Variants in GEN1 observed in about 807,000 individuals in gnomAD.
GEN1 encodes the protein flap endonuclease GEN homolog 1.
GEN1 carries 64 observed loss-of-function variants against 67.6 expected under a neutral mutation model. The ratio of observed to expected loss-of-function variants is 0.95; its 90% CI spans 0.77 to 1.17. The LOEUF (loss-of-function observed/expected upper bound fraction) is 1.17. Ranked by LOEUF, GEN1 falls within the 50% of genes most tolerant of loss-of-function variation. The pLI is 0.00. For missense variants in GEN1, 1,058 were observed against 1,048.3 expected (o/e 1.01, Z -0.13); for synonymous variants, 371 against 359.4 (o/e 1.03, Z -0.37).
chr2:17,782,125 C>G lies in GEN1; in HGVS notation c.*186C>G. ...TAAAACTCTGGTTTTAAAAGATCCTCTGTATTGAAAACTTCTGATAATGTA... is the reference window on the plus strand; with the variant it reads ...TAAAACTCTGGTTTTAAAAGATCCTGTGTATTGAAAACTTCTGATAATGTA... On this transcript the variant is annotated 3_prime_UTR_variant, in exon 14 of 14. Coordinates refer to ENST00000381254, the MANE Select transcript of GEN1 (RefSeq NM_001130009.3). The G allele has an allele frequency of 2.1e-6, 1 of 469,156 alleles. No homozygotes were observed. Among genetic ancestry groups the G allele is most frequent in the East Asian group, 3.4e-5 (1 of 29,608 alleles). 29.1% of individuals were successfully genotyped at this position (469,156 alleles called of 1,614,324 possible).
chr2:17,774,302 A>C lies in GEN1; in HGVS notation c.1103A>C (p.Asn368Thr). 3.2e-6 allele frequency: 5 copies of C among 1,586,822 alleles called. No individual in the cohort carries two copies. The highest frequency in any genetic ancestry group is 4.3e-6 in the Non-Finnish European group (5 of 1,160,378). ...RFTLEKMEWPNHYACEKLLVL... is the reference protein window; with the variant it reads ...RFTLEKMEWPTHYACEKLLVL... Reference sequence around the variant, plus strand: ...ACTCTTGAAAAAATGGAGTGGCCCAATCACTATGCATGTGAGAAATTGCTG... The same window carrying C: ...ACTCTTGAAAAAATGGAGTGGCCCACTCACTATGCATGTGAGAAATTGCTG... The change falls in exon 11 of 14, where the codon AAT (asparagine) becomes ACT (threonine). Residue 368 changes from asparagine to threonine, a missense_variant. Asn to Thr is a moderately conservative substitution (Grantham distance 65, BLOSUM62 0). Transcript: ENST00000381254.
intron 12 of GEN1, among the ~76,000 whole-genome samples, chr2:17,779,283 A>G (rs185477811): frequency 6.0e-4 from 91 of 152,330 alleles, no homozygotes; most frequent in Non-Finnish European, 6.2e-4. Flanking sequence ...AGCTATCACT[A>G]AAGAAAGCTG....
At position 17,765,221 on chromosome 2, in the gene GEN1, C is replaced by A; in HGVS notation, c.525+148C>A. ...TAAAATGCTTACTGTTATTAAAAAT[C>A]ATTGCCACATAGTTCATTCTCTTCA... On this transcript the variant is annotated intron_variant, in intron 4 of 13. Transcript: ENST00000381254. The A allele has an allele frequency of 7.6e-6, 5 of 660,116 alleles. No homozygotes were observed. In the South Asian group the frequency reaches 1.0e-4, roughly 14 times the overall value. The allele number at this position is 660,116 out of a possible 1,614,324, so 40.9% of individuals were successfully genotyped here. A position where few individuals can be genotyped will look rare whatever the true frequency, so the allele number is the denominator to read the frequency against.
chr2:17,772,562 G>A (rs1039267244), intron 7 of GEN1, 72 bp from the exon 8 acceptor site: 1 of 1,400,376 alleles, frequency 7.1e-7, no homozygotes, highest in Admixed American at 2.2e-5. Context: ...TTAGATACTG[G>A]CAAAAAGAAT....
intron 1 of GEN1, chr2:17,755,116 A>C (rs1671353829): frequency 6.6e-6 from 1 of 152,236 alleles, no homozygotes; most frequent in African/African-American, 2.4e-5. Context: ...AAGTAATCAC[A>C]TATATATTAT....
At chr2:17,776,888 A>G (rs1672458586) in intron 11 of GEN1, among the ~76,000 whole-genome samples, 1 of 152,172 alleles carries the variant, frequency 6.6e-6, no homozygotes, top group African/African-American at 2.4e-5. Context: ...ACTTTGGGAG[A>G]CCAAAGCAGG....
Position 17,784,601 on chromosome 2 carries a change from G to A in GEN1, c.*2662G>A, listed in dbSNP as rs534138082. Reference sequence around the variant, plus strand: ...GAAGGGGAGAAACTAATGTGTATTAGCTATTGTGTGCTAAGCATTCAACTA... The same window carrying A: ...GAAGGGGAGAAACTAATGTGTATTAACTATTGTGTGCTAAGCATTCAACTA... On this transcript the variant is annotated 3_prime_UTR_variant, in exon 14 of 14. Transcript: ENST00000381254. The A allele has an allele frequency of 4.6e-5, 7 of 152,306 alleles. No homozygotes were observed. The highest frequency in any genetic ancestry group is 1.7e-4 in the African/African-American group (7 of 41,576). The allele number at this position is 152,306 out of a possible 1,614,324, so 9.4% of individuals were successfully genotyped here.
rs201629161 is a variant in GEN1 at position 17,765,101 on chromosome 2, A to G, written c.525+28A>G. The stretch of plus-strand genomic sequence containing the variant: ...GTTTATTTTCTTTCTCTTTTTCAGC[A>G]TTTGTTTACGAACTACCTTTTTTAA... On this transcript the variant is annotated intron_variant, in intron 4 of 13. Transcript: ENST00000381254. 4.0e-4 allele frequency: 641 copies of G among 1,606,030 alleles called. 4 individuals are homozygous for G. The highest frequency in any genetic ancestry group is 3.3e-3 in the South Asian group (297 of 90,496).
Position 17,761,436 on chromosome 2 carries a change from G to A in GEN1, c.202G>A (p.Val68Ile). 6.2e-7 allele frequency: 1 copy of A among 1,609,350 alleles called. No individual in the cohort carries two copies. The highest frequency in any genetic ancestry group is 2.2e-5 in the East Asian group (1 of 44,828). ...FRISYLTQMD[V>I]KLVFVMEGEP... ...TATCTCATATTTAACACAAATGGAT[G>A]TAAAACTGGTATTTGTTATGGAAGG... The change falls in exon 3 of 14, where the codon GTA becomes ATA. Residue 68 changes from valine to isoleucine, a missense_variant. Coordinates refer to ENST00000381254, the MANE Select transcript of GEN1 (RefSeq NM_001130009.3).
chr2:17,781,555 T>C lies in GEN1; in HGVS notation c.2343T>C (p.Val781=). ...PNTALDHSRK[V]DMQTTRKILM... ...CTGCTTTAGATCATAGTAGAAAAGT[T>C]GATATGCAAACCACTCGGAAAATTT... The change falls in exon 14 of 14, where the codon GTT becomes GTC. Residue 781 remains valine, a synonymous_variant. Transcript: ENST00000381254. 3 of 1,613,944 alleles carry C rather than the reference T, an allele frequency of 1.9e-6. No individual in the cohort carries two copies. Among genetic ancestry groups the C allele is most frequent in the Non-Finnish European group, 2.5e-6 (3 of 1,179,952 alleles).
chr2:17,757,460 G>GA (rs1182019987), intron 1 of GEN1, among the ~76,000 whole-genome samples: 3 of 151,740 alleles, frequency 2.0e-5, no homozygotes, highest in African/African-American at 7.3e-5. Context: ...GTGTGTTTAT[G>GA]TGTGCCATCA....
At position 17,787,417 on chromosome 2, in the gene GEN1, AC is replaced by A. The variant is rs1673094339; in HGVS notation, c.*5481del. 6.6e-6 allele frequency: 1 copy of A among 152,064 alleles called. No homozygotes were observed. The highest frequency in any genetic ancestry group is 1.5e-5 in the Non-Finnish European group (1 of 68,022). 9.4% of individuals were successfully genotyped at this position (152,064 alleles called of 1,614,324 possible). ...TGACTCTTCTGCCTCACCAACTCTTACCCATCGAGATTCAGTGTAAACGTGG... is the reference window on the plus strand; with the variant it reads ...TGACTCTTCTGCCTCACCAACTCTTACCATCGAGATTCAGTGTAAACGTGG... On this transcript the variant is annotated 3_prime_UTR_variant, in exon 14 of 14. Transcript: ENST00000381254.
chr2:17,773,210 T>A lies in GEN1; in HGVS notation c.991-9T>A, dbSNP rs1672274962. On this transcript the variant is annotated splice_polypyrimidine_tract_variant and intron_variant, in intron 9 of 13. Coordinates refer to ENST00000381254, the MANE Select transcript of GEN1 (RefSeq NM_001130009.3). ...AAATCTCAGTTTCTATTTTCTTTTT[T>A]CTTGCTAGGTTATTCAAGAATTCCT... 3 of 1,590,418 alleles carry A rather than the reference T, an allele frequency of 1.9e-6. No homozygotes were observed. The highest frequency in any genetic ancestry group is 2.6e-6 in the Non-Finnish European group (3 of 1,163,820).
chr2:17,760,476 C>T (rs1271311333), intron 2 of GEN1, among the ~76,000 whole-genome samples: 2 of 152,182 alleles, frequency 1.3e-5, no homozygotes, highest in African/African-American at 4.8e-5. Context: ...ATCTCAGTGT[C>T]CAGAGGCACC....
chr2:17,771,737 C>T (rs1672197436), intron 7 of GEN1, among the ~76,000 whole-genome samples: 1 of 151,250 alleles, frequency 6.6e-6, no homozygotes, highest in Admixed American at 6.6e-5. Flanking sequence ...ATTTCTAATA[C>T]ATGTTCACTA....
At chr2:17,766,723 A>T (rs761987969) in intron 5 of GEN1, 34 bp downstream of exon 5, 1 of 1,205,224 alleles carries the variant, frequency 8.3e-7, no homozygotes, top group Admixed American at 1.7e-5. Flanking sequence ...TTTGCTATTC[A>T]TAAAGTCTTT....
At chr2:17,775,704 A>C (rs926578460) in intron 11 of GEN1, among the ~76,000 whole-genome samples, 1 of 152,210 alleles carries the variant, frequency 6.6e-6, no homozygotes, top group African/African-American at 2.4e-5. Flanking sequence ...GGTATCTTCA[A>C]AAGTGGAGAA....
intron 6 of GEN1, among the ~76,000 whole-genome samples, chr2:17,769,944 A>G (rs922499958): frequency 8.5e-5 from 13 of 152,218 alleles, no homozygotes; most frequent in African/African-American, 3.1e-4. Context: ...TGAAAAAGGA[A>G]TGACCATAAA....
intron 3 of GEN1, among the ~76,000 whole-genome samples, chr2:17,763,408 C>G (rs1671772662): frequency 6.6e-6 from 1 of 152,168 alleles, no homozygotes; most frequent in African/African-American, 2.4e-5. Context: ...GAAAATTGCT[C>G]CATTCCTGTT....
Sources: gnomAD v4.1 joint callset for allele counts (sites outside exome capture counted in the v4.1 genomes callset) on GRCh38, gnomAD v4.1.1 for gene constraint, MANE v1.5 for transcripts, NCBI Gene and HGNC (gene_info 2026-07-23, HGNC 2026-07-21) for gene names.